PHYH: variants seen among roughly 807,000 people sequenced by gnomAD.
The protein encoded by PHYH is phytanoyl-CoA dioxygenase, peroxisomal.
PHYH carries 32 observed loss-of-function variants against 38.5 expected under a neutral mutation model. The ratio of observed to expected loss-of-function variants is 0.83; its 90% CI spans 0.63 to 1.12. The LOEUF (loss-of-function observed/expected upper bound fraction) is 1.12. PHYH is among the 50% of genes most tolerant of loss of function. The probability of loss-of-function intolerance (pLI) is 0.00; values close to 1 mark genes in which losing one functional copy is unlikely to be tolerated. For missense variants in PHYH, 426 were observed against 434.8 expected (o/e 0.98, Z 0.18); for synonymous variants, 166 against 157.9 (o/e 1.05, Z -0.38).
chr10:13,294,724 G>A (rs1181062173), intron 3 of PHYH, 128 bp from the exon 4 acceptor site: 11 of 740,874 alleles, frequency 1.5e-5, no homozygotes, highest in South Asian at 1.3e-4. Flanking sequence ...CCAGCTTGAG[G>A]TAGAATAATT....
chr10:13,296,183 A>G (rs531247430), intron 2 of PHYH, among the ~76,000 whole-genome samples: 17 of 152,092 alleles, frequency 1.1e-4, no homozygotes, highest in African/African-American at 3.6e-4. Flanking sequence ...ACAAAAACAA[A>G]GACAAAAACA....
At chr10:13,290,115 C>CAAAAAAAA (rs1172422242) in intron 5 of PHYH, among the ~76,000 whole-genome samples, 4 of 33,394 alleles carry the variant, frequency 1.2e-4, no homozygotes, top group East Asian at 1.2e-3. Flanking sequence ...CTAAAAATAC[C>CAAAAAAAA]AAAAAAAAAA....
At chr10:13,287,954 C>T (rs908521126) in intron 6 of PHYH, among the ~76,000 whole-genome samples, 2 of 152,232 alleles carry the variant, frequency 1.3e-5, no homozygotes, top group Middle Eastern at 3.4e-3. Flanking sequence ...CCGAGGTGAA[C>T]AGATCACCTG....
chr10:13,299,677 G>C (rs950124508), intron 1 of PHYH: 6 of 1,234,098 alleles, frequency 4.9e-6, no homozygotes, highest in South Asian at 5.1e-5. Context: ...CCGGTGAAAC[G>C]ACGTCTCCAC....
chr10:13,297,111 T>C (rs1406430952), intron 2 of PHYH, among the ~76,000 whole-genome samples: 1 of 152,128 alleles, frequency 6.6e-6, no homozygotes, highest in Non-Finnish European at 1.5e-5. Context: ...TTAACAGTGA[T>C]TGCCTTTAGA....
At chr10:13,278,539 C>G (rs1346757352) in intron 8 of PHYH, among the ~76,000 whole-genome samples, 185 bp from the exon 9 acceptor site, 1 of 151,998 alleles carries the variant, frequency 6.6e-6, no homozygotes, top group Non-Finnish European at 1.5e-5. Flanking sequence ...TTACTCAACT[C>G]TTTTTTAAAA....
intron 8 of PHYH, 48 bp from the exon 9 acceptor site, chr10:13,278,402 C>T: frequency 1.6e-6 from 2 of 1,235,560 alleles, no homozygotes; most frequent in Non-Finnish European, 2.4e-6. Context: ...CTTCAATCTG[C>T]CCTCCATTAA....
intron 8 of PHYH, among the ~76,000 whole-genome samples, chr10:13,280,499 A>C (rs903973662): frequency 6.6e-6 from 1 of 152,018 alleles, no homozygotes; most frequent in South Asian, 2.1e-4. Flanking sequence ...ACCCAACCTG[A>C]CTAATTTTTA....
chr10:13,285,264 A>G (rs1835518931), intron 6 of PHYH, among the ~76,000 whole-genome samples: 1 of 151,474 alleles, frequency 6.6e-6, no homozygotes, highest in Admixed American at 6.6e-5. Context: ...GCTCACTGCA[A>G]CCTCCATCTC....
chr10:13,280,305 A>G (rs1298796003), intron 8 of PHYH, among the ~76,000 whole-genome samples: 1 of 151,530 alleles, frequency 6.6e-6, no homozygotes, highest in Non-Finnish European at 1.5e-5. Context: ...ATGGCCTATG[A>G]TTGGATCTCA....
chr10:13,288,622 T>A (rs1835621920), intron 5 of PHYH, 81 bp from the exon 6 acceptor site: 1 of 1,393,330 alleles, frequency 7.2e-7, no homozygotes, highest in African/African-American at 1.4e-5. Flanking sequence ...CTTTGGGATA[T>A]AAAAATATAT....
intron 6 of PHYH, among the ~76,000 whole-genome samples, chr10:13,285,924 T>C (rs1394548280): frequency 6.6e-6 from 1 of 151,618 alleles, no homozygotes; most frequent in Non-Finnish European, 1.5e-5. Context: ...TCTTTTTCTT[T>C]TGATACGGGA....
chr10:13,288,691 C>A, intron 5 of PHYH, 150 bp from the exon 6 acceptor site: 1 of 712,988 alleles, frequency 1.4e-6, no homozygotes, highest in South Asian at 1.6e-5. Flanking sequence ...AAAACCATCC[C>A]GGGAAACACA....
At chr10:13,283,419 G>A (rs1450961806) in intron 7 of PHYH, among the ~76,000 whole-genome samples, 1 of 151,984 alleles carries the variant, frequency 6.6e-6, no homozygotes, top group African/African-American at 2.4e-5. Context: ...ATGAGCCACC[G>A]CGCCCGGCCC....
intron 2 of PHYH, among the ~76,000 whole-genome samples, chr10:13,296,627 C>G (rs7100616): frequency 2.7e-5 from 4 of 148,398 alleles, no homozygotes; most frequent in Non-Finnish European, 4.4e-5. Context: ...ACTATGTTCA[C>G]TCAGTGGAAT....
At chr10:13,297,389 G>A (rs2131659536) in intron 2 of PHYH, among the ~76,000 whole-genome samples, 1 of 152,232 alleles carries the variant, frequency 6.6e-6, no homozygotes, top group South Asian at 2.1e-4. Flanking sequence ...CTTTAAAGGT[G>A]ATTTAAGATA....
At chr10:13,280,265 C>A (rs1308874598) in intron 8 of PHYH, among the ~76,000 whole-genome samples, 1 of 152,108 alleles carries the variant, frequency 6.6e-6, no homozygotes, top group Non-Finnish European at 1.5e-5. Context: ...CCTCGCCCAG[C>A]CATAAATACT....
In PHYH at chr10:13,277,959, A is replaced by G. The variant is rs1402783641; in HGVS notation, c.*342T>C. On this transcript the variant is annotated 3_prime_UTR_variant, in exon 9 of 9. Transcript: ENST00000263038. Reference sequence around the variant, plus strand: ...GTTTATCAGAAAGGGGATACAAAACATACCCTAAGCTCCAAATCATTCACT... The same window carrying G: ...GTTTATCAGAAAGGGGATACAAAACGTACCCTAAGCTCCAAATCATTCACT... The G allele has an allele frequency of 5.8e-6, 2 of 344,724 alleles. No individual in the cohort carries two copies. The highest frequency in any genetic ancestry group is 1.1e-5 in the Non-Finnish European group (2 of 179,908). 21.4% of individuals were successfully genotyped at this position (344,724 alleles called of 1,614,324 possible). A position where few individuals can be genotyped will look rare whatever the true frequency, so the allele number is the denominator to read the frequency against.
At chr10:13,279,766 A>G (rs1016651262) in intron 8 of PHYH, among the ~76,000 whole-genome samples, 2 of 152,128 alleles carry the variant, frequency 1.3e-5, no homozygotes, top group African/African-American at 4.8e-5. Flanking sequence ...ACCTTGACAA[A>G]CCTCAAACAT....
Sources: gnomAD v4.1 joint callset for allele counts (sites outside exome capture counted in the v4.1 genomes callset) on GRCh38, gnomAD v4.1.1 for gene constraint, MANE v1.5 for transcripts, NCBI Gene and HGNC (gene_info 2026-07-23, HGNC 2026-07-21) for gene names.